The following XCR1 variants were observed in gnomAD, a reference collection of about 807,000 sequenced individuals.
XCR1 encodes the protein chemokine XC receptor 1.
For synonymous variants in XCR1, 187 were observed against 188.5 expected (o/e 0.99, Z 0.06); for missense variants, 356 against 424.2 (o/e 0.84, Z 1.41).
chr3:46,073,643 G>A (rs1401835056), intron 3 of XCR1, among the ~76,000 whole-genome samples: 1 of 152,042 alleles, frequency 6.6e-6, no homozygotes, highest in Non-Finnish European at 1.5e-5. Flanking sequence ...CAGAGAGCCT[G>A]CAGAATGGGA....
At chr3:46,063,378 C>T (rs530947617) in intron 4 of XCR1, among the ~76,000 whole-genome samples, 15 of 152,236 alleles carry the variant, frequency 9.9e-5, no homozygotes, top group African/African-American at 3.1e-4. Flanking sequence ...GGCACACAGC[C>T]GTGGGCAGAG....
chr3:46,080,366 A>G (rs766902546), intron 1 of XCR1, among the ~76,000 whole-genome samples: 6 of 152,202 alleles, frequency 3.9e-5, no homozygotes, highest in Non-Finnish European at 8.8e-5. Flanking sequence ...ACATCAGACA[A>G]TAGATACCTT....
rs534348522 is a variant in XCR1, at chr3:46,066,194, C to T, written c.-183+705G>A. On this transcript the variant is annotated intron_variant, in intron 4 of 5. Coordinates refer to the XCR1 transcript ENST00000683768. The stretch of plus-strand genomic sequence containing the variant: ...TCTTGGGCACAGCCTGCCTTCCTTC[C>T]TTCCTTCCTCCCTCCCTCCCTCCCT... 1.1e-4 allele frequency among the ~76,000 whole-genome samples: 17 copies of T among 149,226 alleles called. No individual in the cohort carries two copies. The South Asian group carries it at 3.3e-3, about 29-fold the overall frequency.
At chr3:46,045,061 A>C (rs1158091267) in intron 5 of XCR1, among the ~76,000 whole-genome samples, 1 of 152,230 alleles carries the variant, frequency 6.6e-6, no homozygotes, top group African/African-American at 2.4e-5. Flanking sequence ...AATACAAACC[A>C]GTATCTCTCA....
intron 1 of XCR1, among the ~76,000 whole-genome samples, chr3:46,026,031 A>C (rs1011038089): frequency 6.6e-6 from 1 of 152,226 alleles, no homozygotes; most frequent in African/African-American, 2.4e-5. Flanking sequence ...CATGAAAATC[A>C]ATTTAAGTCA....
chr3:46,064,473 C>T (rs554277747), intron 4 of XCR1, among the ~76,000 whole-genome samples: 1 of 152,246 alleles, frequency 6.6e-6, no homozygotes, highest in East Asian at 1.9e-4. Context: ...CTTTACTGCT[C>T]CTCCCACTGA....
intron 1 of XCR1, chr3:46,023,160 C>T (rs954831062): frequency 4.2e-5 from 17 of 401,668 alleles, no homozygotes; most frequent in Non-Finnish European, 7.5e-5. Flanking sequence ...GGGCCCGTGG[C>T]GCGGGGCCTG....
chr3:46,080,824 A>C (rs1355081178), intron 1 of XCR1, among the ~76,000 whole-genome samples: 1 of 152,190 alleles, frequency 6.6e-6, no homozygotes, highest in African/African-American at 2.4e-5. Context: ...GGGGAAAGCA[A>C]TATTATTGGA....
chr3:46,054,824 G>A (rs560262947), intron 4 of XCR1, among the ~76,000 whole-genome samples: 8 of 152,284 alleles, frequency 5.3e-5, no homozygotes, highest in African/African-American at 1.9e-4. Flanking sequence ...TGATGAATGA[G>A]GGGGTCAGGC....
chr3:46,019,028 A>G lies in XCR1; in HGVS notation c.*1918T>C, dbSNP rs1231373995. On this transcript the variant is annotated 3_prime_UTR_variant, in exon 2 of 2. Coordinates refer to ENST00000309285, the MANE Select transcript of XCR1 (RefSeq NM_001024644.2). Reference sequence around the variant, plus strand: ...CTTTGTGGCATGGCAAAGTTTAGAGAGTGGCTTTTATTTATGCCCTTGGGT... The same window carrying G: ...CTTTGTGGCATGGCAAAGTTTAGAGGGTGGCTTTTATTTATGCCCTTGGGT... 6.6e-6 allele frequency: 1 copy of G among 152,114 alleles called. No homozygotes were observed. The highest frequency in any genetic ancestry group is 2.4e-5 in the African/African-American group (1 of 41,422). 9.4% of individuals were successfully genotyped at this position (152,114 alleles called of 1,614,324 possible). A position where few individuals can be genotyped will look rare whatever the true frequency, so the allele number is the denominator to read the frequency against.
intron 5 of XCR1, among the ~76,000 whole-genome samples, chr3:46,042,105 A>G (rs1697545903): frequency 6.6e-6 from 1 of 152,254 alleles, no homozygotes. Flanking sequence ...AAGGGAAAAT[A>G]GGAGATATCT....
chr3:46,025,914 A>G (rs559820126), intron 1 of XCR1, among the ~76,000 whole-genome samples: 1 of 152,360 alleles, frequency 6.6e-6, no homozygotes, highest in Admixed American at 6.5e-5. Flanking sequence ...ATAGACAGAA[A>G]AATTCTTAAC....
At chr3:46,023,455 C>A in intron 1 of XCR1, 2 of 1,526,770 alleles carry the variant, frequency 1.3e-6, no homozygotes, top group Non-Finnish European at 1.8e-6. Context: ...TGAGCAGGCT[C>A]GTCTTTCACT....
At chr3:46,049,059 A>G (rs1276276178) in intron 5 of XCR1, among the ~76,000 whole-genome samples, 1 of 152,212 alleles carries the variant, frequency 6.6e-6, no homozygotes, top group African/African-American at 2.4e-5. Flanking sequence ...GGTGATAGGC[A>G]ATGTCACTGT....
intron 5 of XCR1, among the ~76,000 whole-genome samples, chr3:46,051,049 C>T (rs1315984001): frequency 1.3e-5 from 2 of 152,140 alleles, no homozygotes; most frequent in South Asian, 2.1e-4. Flanking sequence ...TTGATCCACC[C>T]ACACAGGTTT....
intron 5 of XCR1, among the ~76,000 whole-genome samples, chr3:46,032,536 G>A (rs1397721795): frequency 6.6e-6 from 1 of 152,226 alleles, no homozygotes; most frequent in Non-Finnish European, 1.5e-5. Context: ...GGCTGGTAGT[G>A]TGAGCCTAGT....
chr3:46,024,081 C>G lies in XCR1; in HGVS notation c.-31-2103G>C. The G allele has an allele frequency of 3.4e-6, 3 of 894,948 alleles. No individual in the cohort carries two copies. In the Admixed American group the frequency reaches 5.6e-5, roughly 17 times the overall value. 55.4% of individuals were successfully genotyped at this position (894,948 alleles called of 1,614,324 possible). A position where few individuals can be genotyped will look rare whatever the true frequency, so the allele number is the denominator to read the frequency against. ...ACATTCCAATCCCCAGTCTTCCTCC[C>G]TTGGATTTTACATCTCCAGAACTTC... On this transcript the variant is annotated intron_variant, in intron 1 of 1. Transcript: ENST00000309285.
At chr3:46,040,839 G>C (rs951543231) in intron 5 of XCR1, among the ~76,000 whole-genome samples, 1 of 140,366 alleles carries the variant, frequency 7.1e-6, no homozygotes, top group Non-Finnish European at 1.5e-5. Context: ...AATTAGATTA[G>C]AGAGAAAATT....
At chr3:46,054,551 G>GGA (rs1697817218) in intron 4 of XCR1, among the ~76,000 whole-genome samples, 1 of 151,918 alleles carries the variant, frequency 6.6e-6, no homozygotes, top group African/African-American at 2.4e-5. Flanking sequence ...AAGGACGAGG[G>GGA]GGGGGCGAGT....
Sources: gnomAD v4.1 joint callset for allele counts (sites outside exome capture counted in the v4.1 genomes callset) on GRCh38, gnomAD v4.1.1 for gene constraint, MANE v1.5 for transcripts, NCBI Gene and HGNC (gene_info 2026-07-23, HGNC 2026-07-21) for gene names.